Variants in MACROD2 observed in about 807,000 individuals in gnomAD.
The protein encoded by MACROD2 is ADP-ribose glycohydrolase MACROD2.
Under a neutral mutation model 70.4 loss-of-function variants are expected in MACROD2, and 36 were observed. The observed-to-expected ratio is 0.51, with a 90% CI of 0.39 to 0.68. The LOEUF (loss-of-function observed/expected upper bound fraction) is 0.68. Among genes scored for constraint, MACROD2 ranks in the 30% least tolerant of loss-of-function variants. MACROD2 has a pLI of 0.00. For synonymous variants in MACROD2, 172 were observed against 178.8 expected (o/e 0.96, Z 0.30); for missense variants, 496 against 538.4 (o/e 0.92, Z 0.78).
chr20:14,667,120 G>A (rs1160950418), intron 4 of MACROD2, among the ~76,000 whole-genome samples: 1 of 152,038 alleles, frequency 6.6e-6, no homozygotes, highest in Non-Finnish European at 1.5e-5. Flanking sequence ...AAGCAGTGTG[G>A]CCAGAATGCC....
chr20:14,011,272 G>A (rs550841016), intron 2 of MACROD2, among the ~76,000 whole-genome samples: 32 of 152,110 alleles, frequency 2.1e-4, no homozygotes, highest in Middle Eastern at 3.2e-3. Context: ...GGCCTTTCTT[G>A]TACAACCAAA....
At chr20:14,148,866 T>C (rs1394876872) in intron 3 of MACROD2, among the ~76,000 whole-genome samples, 1 of 152,204 alleles carries the variant, frequency 6.6e-6, no homozygotes, top group African/African-American at 2.4e-5. Context: ...GCTTCCTTCC[T>C]AAGTAGTTAA....
chr20:15,960,773 C>T (rs1324396223), intron 12 of MACROD2, among the ~76,000 whole-genome samples: 1 of 152,148 alleles, frequency 6.6e-6, no homozygotes, highest in Non-Finnish European at 1.5e-5. Flanking sequence ...ACTTCTGGCC[C>T]ATCCAGGACA....
At chr20:15,242,808 T>C (rs902836548) in intron 6 of MACROD2, among the ~76,000 whole-genome samples, 5 of 152,216 alleles carry the variant, frequency 3.3e-5, no homozygotes, top group Non-Finnish European at 5.9e-5. Flanking sequence ...ACAGCTACTT[T>C]GCCAAGTTTT....
intron 3 of MACROD2, among the ~76,000 whole-genome samples, chr20:14,413,695 G>A (rs987982411): frequency 6.6e-6 from 1 of 152,164 alleles, no homozygotes; most frequent in Non-Finnish European, 1.5e-5. Flanking sequence ...ATTGCTACTT[G>A]AGAAATCAAT....
Position 14,132,055 on chromosome 20 carries a change from C to T in MACROD2, c.271+46327C>T, listed in dbSNP as rs552480832. On this transcript the variant is annotated intron_variant, in intron 3 of 17. Coordinates refer to ENST00000684519, the MANE Select transcript of MACROD2 (RefSeq NM_001351661.2). The stretch of plus-strand genomic sequence containing the variant: ...CTGAGGCGGGAGAATGGTGTGAACC[C>T]GGGAGGCGGAGCTTGCAGTGAGCCA... 9.8e-5 allele frequency among the ~76,000 whole-genome samples: 14 copies of T among 142,752 alleles called. No homozygotes were observed. The East Asian group carries it at 1.3e-3, about 13-fold the overall frequency. The allele number at this position is 142,752 out of a possible 152,430, so 93.7% of individuals were successfully genotyped here. A position where few individuals can be genotyped will look rare whatever the true frequency, so the allele number is the denominator to read the frequency against.
Position 15,458,511 on chromosome 20 carries a change from A to G in MACROD2, c.571+27076A>G, listed in dbSNP as rs1273789345. ...CTCCAGGTATTTAACAGCCAGTTAA[A>G]TACCAACATTCTTATTGACAAATTT... On this transcript the variant is annotated intron_variant, in intron 7 of 17. Transcript: ENST00000684519. Among the ~76,000 whole-genome samples the G allele has an allele frequency of 5.9e-5, 9 of 152,294 alleles. No homozygotes were observed. The East Asian group carries it at 1.5e-3, about 26-fold the overall frequency.
chr20:14,606,938 G>A (rs1982844296), intron 4 of MACROD2, among the ~76,000 whole-genome samples: 1 of 152,040 alleles, frequency 6.6e-6, no homozygotes, highest in Non-Finnish European at 1.5e-5. Context: ...ATGGATGAGT[G>A]CACACACACA....
At chr20:14,178,803 T>C (rs779639655) in intron 3 of MACROD2, among the ~76,000 whole-genome samples, 7 of 148,980 alleles carry the variant, frequency 4.7e-5, no homozygotes, top group Admixed American at 6.8e-5. Flanking sequence ...GAAAGTTTGG[T>C]CTCTCTTCCT....
At chr20:14,581,250 C>A (rs1475497790) in intron 4 of MACROD2, among the ~76,000 whole-genome samples, 3 of 152,170 alleles carry the variant, frequency 2.0e-5, no homozygotes, top group Non-Finnish European at 4.4e-5. Context: ...ACCTTAGCTG[C>A]ATATTAGAAT....
chr20:14,592,484 C>T (rs11908103), intron 4 of MACROD2, among the ~76,000 whole-genome samples: 1,589 of 152,184 alleles, frequency 0.01, 28 homozygotes, highest in African/African-American at 0.037. Flanking sequence ...AGTGCAGTGG[C>T]GTGATTACAG....
At chr20:14,768,493 T>A (rs1009105799) in intron 5 of MACROD2, among the ~76,000 whole-genome samples, 1 of 152,044 alleles carries the variant, frequency 6.6e-6, no homozygotes, top group Non-Finnish European at 1.5e-5. Flanking sequence ...TTTTTAACAT[T>A]TTTAAAGTTT....
intron 3 of MACROD2, among the ~76,000 whole-genome samples, chr20:14,482,513 A>G (rs1176364811): frequency 6.6e-6 from 1 of 150,896 alleles, no homozygotes; most frequent in Non-Finnish European, 1.5e-5. Context: ...AGTTAGTTCA[A>G]ATTTCTTGAT....
At chr20:15,195,694 C>A (rs915827512) in intron 5 of MACROD2, among the ~76,000 whole-genome samples, 5 of 152,128 alleles carry the variant, frequency 3.3e-5, no homozygotes, top group African/African-American at 1.2e-4. Context: ...AGATTAGATG[C>A]AGAAATACCA....
chr20:15,986,363 A>C (rs896449919), intron 13 of MACROD2, among the ~76,000 whole-genome samples: 1 of 152,190 alleles, frequency 6.6e-6, no homozygotes, highest in Non-Finnish European at 1.5e-5. Context: ...TCACTATGGG[A>C]AATATTTGTA....
chr20:15,510,896 C>T (rs2047490407), intron 8 of MACROD2, among the ~76,000 whole-genome samples: 4 of 152,144 alleles, frequency 2.6e-5, no homozygotes, highest in Admixed American at 2.6e-4. Context: ...ACAGAAAGCC[C>T]CAACCTTTTA....
At chr20:15,575,902 T>C (rs2048441035) in intron 8 of MACROD2, among the ~76,000 whole-genome samples, 1 of 152,164 alleles carries the variant, frequency 6.6e-6, no homozygotes, top group African/African-American at 2.4e-5. Flanking sequence ...ATAAATTGGC[T>C]TAAACTTGTT....
intron 7 of MACROD2, among the ~76,000 whole-genome samples, chr20:15,469,927 A>G (rs1398432895): frequency 6.6e-6 from 1 of 152,154 alleles, no homozygotes; most frequent in Non-Finnish European, 1.5e-5. Flanking sequence ...AAGTTAAGCA[A>G]TTTGCTCTAG....
At chr20:15,232,031 T>C (rs1418905264) in intron 6 of MACROD2, among the ~76,000 whole-genome samples, 1 of 151,960 alleles carries the variant, frequency 6.6e-6, no homozygotes, top group Non-Finnish European at 1.5e-5. Flanking sequence ...CTTTTACACA[T>C]AAAAAAGAAA....
Sources: allele counts gnomAD v4.1 joint callset (sites outside exome capture counted in the v4.1 genomes callset), GRCh38; gene constraint gnomAD v4.1.1; transcripts MANE v1.5; gene names NCBI Gene and HGNC (gene_info 2026-07-23, HGNC 2026-07-21).